Variants in TACC2 observed in about 807,000 individuals in gnomAD.
TACC2 encodes transforming acidic coiled-coil-containing protein 2.
Under a neutral mutation model 227.3 loss-of-function variants are expected in TACC2, and 137 were observed. The observed-to-expected ratio is 0.60, with a 90% CI of 0.52 to 0.69. The LOEUF is 0.69. Among genes scored for constraint, TACC2 ranks in the 30% least tolerant of loss-of-function variants. The probability of loss-of-function intolerance (pLI) is 0.00; values close to 1 mark genes in which losing one functional copy is unlikely to be tolerated. For synonymous variants in TACC2, 1,523 were observed against 1,487.5 expected (o/e 1.02, Z -0.55); for missense variants, 3,470 against 3,694.4 (o/e 0.94, Z 1.57).
At chr10:122,215,887 CT>C (rs1313013614) in intron 10 of TACC2, among the ~76,000 whole-genome samples, 2 of 152,194 alleles carry the variant, frequency 1.3e-5, no homozygotes, top group African/African-American at 4.8e-5. Flanking sequence ...AGAAGTGGGG[CT>C]TAGGTTCTGT....
intron 2 of TACC2, among the ~76,000 whole-genome samples, chr10:122,044,777 A>G (rs2074777180): frequency 6.6e-6 from 1 of 151,760 alleles, no homozygotes; most frequent in African/African-American, 2.4e-5. Flanking sequence ...AGATTGCTTT[A>G]AAATAGACTC....
At chr10:122,238,395 C>T (rs1036865711) in intron 18 of TACC2, among the ~76,000 whole-genome samples, 4 of 152,108 alleles carry the variant, frequency 2.6e-5, no homozygotes, top group Admixed American at 6.5e-5. Context: ...CCTCTTTTTT[C>T]TCCAAAATAA....
intron 5 of TACC2, among the ~76,000 whole-genome samples, chr10:122,113,831 C>T (rs868217447): frequency 6.6e-6 from 1 of 152,234 alleles, no homozygotes; most frequent in African/African-American, 2.4e-5. Context: ...GCCCGAGCGT[C>T]CCCTCCGCGT....
Position 122,171,166 on chromosome 10 carries a change from G to C in TACC2, c.5835-23874G>C, listed in dbSNP as rs139672618. On this transcript the variant is annotated intron_variant, in intron 7 of 22. Coordinates refer to ENST00000369005, the MANE Select transcript of TACC2 (RefSeq NM_206862.4). ...CTGTGCAATAAATCCGGTGGGGGTG[G>C]TGGGCCTCCCCGCAGGTTTTGTACC... is the stretch of plus-strand genomic sequence containing the variant. 9.2e-3 allele frequency among the ~76,000 whole-genome samples: 1,399 copies of C among 152,342 alleles called. 27 individuals are homozygous for C. Among genetic ancestry groups the C allele is most frequent in the African/African-American group, 0.032 (1,330 of 41,572 alleles).
intron 3 of TACC2, chr10:122,051,806 C>T (rs983418924): frequency 3.2e-5 from 4 of 126,520 alleles, no homozygotes; most frequent in Admixed American, 9.3e-5. Flanking sequence ...TTGGGTAAGT[C>T]AGAGCAACCC....
At chr10:122,253,625 C>T (rs575856845) in intron 22 of TACC2, among the ~76,000 whole-genome samples, 1 of 152,342 alleles carries the variant, frequency 6.6e-6, no homozygotes, top group South Asian at 2.1e-4. Context: ...ACGCTCCTCA[C>T]CTCAGATCAC....
At chr10:122,035,179 C>A (rs1158629690) in intron 2 of TACC2, among the ~76,000 whole-genome samples, 1 of 152,162 alleles carries the variant, frequency 6.6e-6, no homozygotes, top group Admixed American at 6.5e-5. Context: ...TCGTGCTTTG[C>A]AGCAGAGCTC....
chr10:122,005,291 C>T (rs1954931817), intron 1 of TACC2, among the ~76,000 whole-genome samples: 1 of 151,848 alleles, frequency 6.6e-6, no homozygotes, highest in Admixed American at 6.6e-5. Context: ...ACCAGTTTAC[C>T]CAGGCTGGTC....
chr10:122,066,407 T>G (rs979769852), intron 3 of TACC2, among the ~76,000 whole-genome samples: 2 of 152,114 alleles, frequency 1.3e-5, no homozygotes, highest in Non-Finnish European at 2.9e-5. Flanking sequence ...TAGCTGGGAT[T>G]ACAGGTGTGC....
At chr10:122,151,463 G>A (rs1001088433) in intron 7 of TACC2, among the ~76,000 whole-genome samples, 2 of 152,260 alleles carry the variant, frequency 1.3e-5, no homozygotes, top group Non-Finnish European at 2.9e-5. Context: ...AGAGGAACTG[G>A]AGGGACTAGA....
intron 2 of TACC2, 36 bp downstream of exon 2, chr10:122,022,050 G>A: frequency 6.2e-7 from 1 of 1,612,822 alleles, no homozygotes; most frequent in African/African-American, 1.3e-5. Context: ...GAGCTACGTG[G>A]TGCTCTTGGC....
rs1277726271 is a variant in TACC2, at chr10:122,082,679, C to T, written c.179C>T (p.Thr60Ile). 4.0e-5 allele frequency: 65 copies of T among 1,613,328 alleles called. No individual in the cohort carries two copies. Among genetic ancestry groups the T allele is most frequent in the Non-Finnish European group, 5.2e-5 (61 of 1,179,718 alleles). Residue 60 changes from threonine to isoleucine, a missense_variant, in exon 4 of 23, where the codon ACC becomes ATC. Around this residue, in one of 10 missense-constraint regions of TACC2, gnomAD observed 405 missense variants for 389.6 expected, o/e 1.04. Transcript: ENST00000369005. Reference protein sequence around the residue: ...IGSVGLGGFCTASESSASLDP... With the variant: ...IGSVGLGGFCIASESSASLDP... ...AGCGTTGGGCTTGGAGGCTTCTGCA[C>T]CGCTTCTGAGAGTTCTGCCAGCCTG... is the stretch of plus-strand genomic sequence containing the variant.
At chr10:122,232,640 T>C (rs188450358) in intron 16 of TACC2, among the ~76,000 whole-genome samples, 6 of 152,334 alleles carry the variant, frequency 3.9e-5, no homozygotes, top group Admixed American at 6.5e-5. Context: ...CTTGTATTGC[T>C]TTTGTTAAAA....
In TACC2 at chr10:122,159,089, C is replaced by A. The variant is rs920713779; in HGVS notation, c.5834+15383C>A. 2.6e-5 allele frequency among the ~76,000 whole-genome samples: 4 copies of A among 152,130 alleles called. No homozygotes were observed. In the South Asian group the frequency reaches 8.3e-4, roughly 32 times the overall value. On this transcript the variant is annotated intron_variant, in intron 7 of 22. Coordinates refer to ENST00000369005, the MANE Select transcript of TACC2 (RefSeq NM_206862.4). The stretch of plus-strand genomic sequence containing the variant: ...GTCTGGGGGCTGGCAGGGAGCAGAC[C>A]CCTCCAGGGAGCTGGGGGAGCTGGG...
At chr10:122,101,551 CTTTTTTTTTTTT>C (rs34331470) in intron 5 of TACC2, among the ~76,000 whole-genome samples, 3 of 47,180 alleles carry the variant, frequency 6.4e-5, no homozygotes, top group African/African-American at 1.9e-4. Flanking sequence ...AAAACCCCAT[CTTTTTTTTTTTT>C]TTTTTTTTTT....
chr10:122,074,059 C>T (rs910157179), intron 3 of TACC2, among the ~76,000 whole-genome samples: 15 of 145,878 alleles, frequency 1.0e-4, no homozygotes, highest in Admixed American at 5.5e-4. Context: ...GGATTACAGG[C>T]GTAAGTCACA....
At chr10:122,232,073 G>A (rs1247506890) in intron 16 of TACC2, among the ~76,000 whole-genome samples, 2 of 152,232 alleles carry the variant, frequency 1.3e-5, no homozygotes, top group Non-Finnish European at 2.9e-5. Context: ...TGGGAACAGC[G>A]AGACCCAAGG....
intron 2 of TACC2, among the ~76,000 whole-genome samples, chr10:122,034,576 C>T (rs1466097080): frequency 1.1e-4 from 16 of 152,170 alleles, no homozygotes. Context: ...TCCCTGCACC[C>T]TGACCTTCCA....
intron 1 of TACC2, among the ~76,000 whole-genome samples, chr10:121,999,345 A>G (rs1020332436): frequency 6.6e-6 from 1 of 152,116 alleles, no homozygotes; most frequent in Non-Finnish European, 1.5e-5. Flanking sequence ...CTTTGTATTC[A>G]CTTTTGGTCA....
Sources: allele counts gnomAD v4.1 joint callset (sites outside exome capture counted in the v4.1 genomes callset), GRCh38; gene constraint gnomAD v4.1.1; regional missense constraint gnomAD v4.1.1; transcripts MANE v1.5; gene names NCBI Gene and HGNC (gene_info 2026-07-23, HGNC 2026-07-21).